The following C9 variants were observed in gnomAD, a reference collection of about 807,000 sequenced individuals.
C9 encodes complement C9.
Under a neutral mutation model 65.4 loss-of-function variants are expected in C9, and 63 were observed. That is an observed-to-expected ratio of 0.96 (90% CI 0.79 to 1.19). The LOEUF (loss-of-function observed/expected upper bound fraction) is 1.19, where lower values mean the gene tolerates loss of function less well. Among genes scored for constraint, C9 ranks in the 50% most tolerant of loss-of-function variants. The probability of loss-of-function intolerance (pLI) is 0.00; values close to 1 mark genes in which losing one functional copy is unlikely to be tolerated. For synonymous variants in C9, 229 were observed against 227.9 expected (o/e 1.00, Z -0.04); for missense variants, 744 against 670.1 (o/e 1.11, Z -1.22).
Position 39,343,313 on chromosome 5 carries a change from C to T in C9, c.78-1117G>A, listed in dbSNP as rs571443560. On this transcript the variant is annotated intron_variant, in intron 1 of 10. Coordinates refer to ENST00000263408, the MANE Select transcript of C9 (RefSeq NM_001737.5). ...GGGTGACAGACAGCACCTGGAAAAT[C>T]GGGTCACTTCCACCCCAATACTGTG... is the stretch of plus-strand genomic sequence containing the variant. 9.1e-4 allele frequency among the ~76,000 whole-genome samples: 139 copies of T among 152,256 alleles called. 4 individuals are homozygous for T. In the South Asian group the frequency reaches 0.026, roughly 29 times the overall value.
At chr5:39,337,562 A>G (rs1753992878) in intron 4 of C9, among the ~76,000 whole-genome samples, 1 of 152,258 alleles carries the variant, frequency 6.6e-6, no homozygotes, top group African/African-American at 2.4e-5. Flanking sequence ...CTGCTTTCAC[A>G]CCTGCATCTA....
At chr5:39,340,816 T>C (rs1754062546) in intron 4 of C9, among the ~76,000 whole-genome samples, 1 of 152,216 alleles carries the variant, frequency 6.6e-6, no homozygotes, top group South Asian at 2.1e-4. Context: ...TTCCAAATGT[T>C]AACATATCAT....
chr5:39,304,829 A>G (rs1753344969), intron 9 of C9, among the ~76,000 whole-genome samples: 1 of 152,226 alleles, frequency 6.6e-6, no homozygotes, highest in Non-Finnish European at 1.5e-5. Flanking sequence ...TATATTGTGC[A>G]TCCATACAGC....
intron 9 of C9, among the ~76,000 whole-genome samples, chr5:39,300,289 G>T (rs754283950): frequency 6.6e-6 from 1 of 152,102 alleles, no homozygotes; most frequent in Non-Finnish European, 1.5e-5. Flanking sequence ...GCAAGCACCT[G>T]TAATTCCAGC....
At chr5:39,347,412 C>T (rs1283729987) in intron 1 of C9, among the ~76,000 whole-genome samples, 3 of 152,196 alleles carry the variant, frequency 2.0e-5, no homozygotes, top group Non-Finnish European at 4.4e-5. Context: ...TGAGTGAACT[C>T]CCATTCACAA....
chr5:39,313,875 C>T (rs1012479142), intron 6 of C9, among the ~76,000 whole-genome samples: 1 of 152,076 alleles, frequency 6.6e-6, no homozygotes, highest in Non-Finnish European at 1.5e-5. Flanking sequence ...CAAACTTAAC[C>T]TAACTAAAAT....
chr5:39,293,070 CA>C (rs1289584135), intron 9 of C9, among the ~76,000 whole-genome samples: 2 of 151,550 alleles, frequency 1.3e-5, no homozygotes. Context: ...GTTGGAAGGC[CA>C]GGGGGTCTTA....
chr5:39,287,626 T>C (rs1032862555), intron 10 of C9, among the ~76,000 whole-genome samples: 10 of 152,030 alleles, frequency 6.6e-5, no homozygotes, highest in Admixed American at 6.6e-5. Context: ...ATATGTACCA[T>C]AGAATATTAT....
At position 39,331,745 on chromosome 5, in the gene C9, G is replaced by A. The variant is rs776118284; in HGVS notation, c.546C>T (p.Asn182=). ...FDNEFYNGLC[N]RDRDGNTLTY... is the part of the protein sequence containing the mutation. ...TCAGAGTGTTTCCATCCCGATCCCG[G>A]TTACAGAGTCCATTGTAGAACTCAT... The change falls in exon 5 of 11, where the codon AAC becomes AAT. Residue 182 remains asparagine, a synonymous_variant. Transcript: ENST00000263408. The A allele has an allele frequency of 1.4e-5, 23 of 1,613,128 alleles. No individual in the cohort carries two copies. Among genetic ancestry groups the A allele is most frequent in the Middle Eastern group, 1.6e-4 (1 of 6,084 alleles).
chr5:39,309,287 T>C (rs77075225), intron 7 of C9, among the ~76,000 whole-genome samples: 4,011 of 151,872 alleles, frequency 0.026, 177 homozygotes, highest in African/African-American at 0.091. Flanking sequence ...CACACACACA[T>C]ACACACGAAT....
At chr5:39,338,256 G>C (rs3822462) in intron 4 of C9, among the ~76,000 whole-genome samples, 1 of 152,040 alleles carries the variant, frequency 6.6e-6, no homozygotes, top group Non-Finnish European at 1.5e-5. Context: ...TTAAGGTGTC[G>C]AAGTTAAGAC....
At chr5:39,329,156 C>T (rs569432380) in intron 5 of C9, among the ~76,000 whole-genome samples, 10 of 152,232 alleles carry the variant, frequency 6.6e-5, no homozygotes, top group South Asian at 2.1e-4. Context: ...AAGTTATAAA[C>T]GCAATCATCA....
chr5:39,306,642 T>C lies in C9; in HGVS notation c.1391A>G (p.Asp464Gly). The C allele has an allele frequency of 6.2e-7, 1 of 1,613,616 alleles. No individual in the cohort carries two copies. Among genetic ancestry groups the C allele is most frequent in the Non-Finnish European group, 8.5e-7 (1 of 1,179,588 alleles). Residue 464 changes from aspartate (D) to glycine (G), a missense_variant, in exon 9 of 11, where the codon GAT (aspartate) becomes GGT (glycine). Physicochemically the swap from Asp to Gly is moderately conservative, Grantham distance 94. Transcript: ENST00000263408. ...TTTTTGACTAATGAGAACAGGAGCA[T>C]CATTTATGGAAGAGGCCCAGTTGAC... ...DFVNWASSIN[D>G]APVLISQKLS...
At chr5:39,287,817 C>T (rs1486051081) in intron 10 of C9, among the ~76,000 whole-genome samples, 3 of 151,940 alleles carry the variant, frequency 2.0e-5, no homozygotes, top group East Asian at 3.9e-4. Flanking sequence ...ACAGTGGGGA[C>T]TCCAAAAATG....
At chr5:39,324,582 T>TA (rs1753717965) in intron 5 of C9, among the ~76,000 whole-genome samples, 2 of 152,186 alleles carry the variant, frequency 1.3e-5, no homozygotes, top group Admixed American at 6.5e-5. Context: ...CTTTTCTCAC[T>TA]ATGCCAGAAT....
rs1005945714 is a variant in C9 at position 39,284,259 on chromosome 5, CTCTTT to C, written c.*935_*939del. ...ATTTTTTTATTTTGATATATTTTTCCTCTTTTCTTTCTTTCTTTCCTTTTTTTAAA... is the reference window on the plus strand; with the variant it reads ...ATTTTTTTATTTTGATATATTTTTCCTCTTTCTTTCTTTCCTTTTTTTAAA... On this transcript the variant is annotated 3_prime_UTR_variant, in exon 11 of 11. Transcript: ENST00000263408. 3 of 150,872 alleles carry C rather than the reference CTCTTT, an allele frequency of 2.0e-5. No individual in the cohort carries two copies. Among genetic ancestry groups the C allele is most frequent in the Non-Finnish European group, 4.4e-5 (3 of 67,726 alleles). The allele number at this position is 150,872 out of a possible 1,614,324, so 9.3% of individuals were successfully genotyped here. A position where few individuals can be genotyped will look rare whatever the true frequency, so the allele number is the denominator to read the frequency against.
At chr5:39,321,262 G>A (rs1753661978) in intron 5 of C9, among the ~76,000 whole-genome samples, 1 of 151,986 alleles carries the variant, frequency 6.6e-6, no homozygotes, top group Non-Finnish European at 1.5e-5. Flanking sequence ...TGTTAATTGT[G>A]ACATCAAAAA....
At chr5:39,294,902 T>A (rs1367253150) in intron 9 of C9, among the ~76,000 whole-genome samples, 1 of 151,764 alleles carries the variant, frequency 6.6e-6, no homozygotes, top group Non-Finnish European at 1.5e-5. Flanking sequence ...GAGAAATAGT[T>A]CAACATATGG....
chr5:39,345,551 T>C (rs1429919995), intron 1 of C9, among the ~76,000 whole-genome samples: 2 of 152,128 alleles, frequency 1.3e-5, no homozygotes, highest in East Asian at 3.9e-4. Flanking sequence ...CAAAGAGACT[T>C]AGACTCCCAC....
Sources: gnomAD v4.1 joint callset for allele counts (sites outside exome capture counted in the v4.1 genomes callset) on GRCh38, gnomAD v4.1.1 for gene constraint, MANE v1.5 for transcripts, NCBI Gene and HGNC (gene_info 2026-07-23, HGNC 2026-07-21) for gene names.